Variants in ZFHX3 observed in about 807,000 individuals in gnomAD.
ZFHX3 encodes the protein zinc finger homeobox 3.
A neutral mutation model predicts 279.1 loss-of-function variants in ZFHX3; 42 were observed. That is an observed-to-expected ratio of 0.15 (90% CI 0.12 to 0.19). The LOEUF (loss-of-function observed/expected upper bound fraction) is 0.19. Ranked by LOEUF, ZFHX3 falls within the 10% of genes least tolerant of loss-of-function variation. ZFHX3 has a pLI of 1.00. For missense variants in ZFHX3, 4,981 were observed against 4,754.0 expected, an observed-to-expected ratio of 1.05 and a Z score of -1.40; for synonymous variants, 2,293 against 1,957.8, an observed-to-expected ratio of 1.17 and a Z score of -4.52.
At chr16:73,476,335 A>G (rs2018765111) in intron 2 of ZFHX3, among the ~76,000 whole-genome samples, 1 of 152,196 alleles carries the variant, frequency 6.6e-6, no homozygotes, top group African/African-American at 2.4e-5. Flanking sequence ...ACCACAATTT[A>G]CAGATTTATT....
chr16:72,924,008 G>GT (rs1467463630), intron 3 of ZFHX3, among the ~76,000 whole-genome samples: 1 of 152,184 alleles, frequency 6.6e-6, no homozygotes, highest in Non-Finnish European at 1.5e-5. Context: ...GCCGTCGGCT[G>GT]TAACGGGCTA....
intron 5 of ZFHX3, among the ~76,000 whole-genome samples, chr16:73,256,350 C>T (rs2013662179): frequency 6.6e-6 from 1 of 152,190 alleles, no homozygotes; most frequent in African/African-American, 2.4e-5. Context: ...TTTGTAGTTT[C>T]TGCCAGTTTC....
chr16:72,787,422 C>G lies in ZFHX3; in HGVS notation c.10854G>C (p.Pro3618=), dbSNP rs369621660. Residue 3618 remains proline, a synonymous_variant, in exon 10 of 10, where the codon CCG becomes CCC. Transcript: ENST00000268489. ...CTGCCGAAGCCCGGGAGACCACTTG[C>G]GGCCAAGACTTCCTGGAGGCGTGGG... The part of the protein sequence containing the change: ...ASPHASRKSW[P]QVVSRASAAK... 198 of 1,580,650 alleles carry G rather than the reference C, an allele frequency of 1.3e-4. No homozygotes were observed. The highest frequency in any genetic ancestry group is 6.8e-4 in the Middle Eastern group (4 of 5,920).
chr16:73,478,894 T>C (rs527562033), intron 2 of ZFHX3, among the ~76,000 whole-genome samples: 1 of 152,040 alleles, frequency 6.6e-6, no homozygotes, highest in East Asian at 1.9e-4. Context: ...CAACTAAAAA[T>C]ACAAAAAATT....
chr16:73,668,826 T>C (rs2052872387), intron 2 of ZFHX3, among the ~76,000 whole-genome samples: 1 of 152,138 alleles, frequency 6.6e-6, no homozygotes. Flanking sequence ...TCATCATCAC[T>C]GGTCGTTAGA....
At chr16:73,182,412 G>A (rs989213706) in intron 5 of ZFHX3, among the ~76,000 whole-genome samples, 3 of 152,174 alleles carry the variant, frequency 2.0e-5, no homozygotes, top group South Asian at 4.2e-4. Flanking sequence ...AGCCAAGATC[G>A]TGCCACTGCA....
At chr16:73,175,861 G>T (rs1260199427) in intron 5 of ZFHX3, among the ~76,000 whole-genome samples, 2 of 152,068 alleles carry the variant, frequency 1.3e-5, no homozygotes, top group Non-Finnish European at 2.9e-5. Flanking sequence ...TTCCTTCAAA[G>T]CACTTTTTCC....
Position 72,879,822 on chromosome 16 carries a change from A to T in ZFHX3, c.3448+9909T>A, listed in dbSNP as rs186282524. On this transcript the variant is annotated intron_variant, in intron 4 of 9. Transcript: ENST00000268489. ...AAAGGCAGCTTTTCTCGATGCTAAGACCATCAAATTTCACAGGCACAAGAA... is the reference window on the plus strand; with the variant it reads ...AAAGGCAGCTTTTCTCGATGCTAAGTCCATCAAATTTCACAGGCACAAGAA... Among the ~76,000 whole-genome samples, 6 of 152,254 alleles carry T rather than the reference A, an allele frequency of 3.9e-5. No homozygotes were observed. The East Asian group carries it at 7.7e-4, about 20-fold the overall frequency.
At chr16:73,483,245 T>G in intron 2 of ZFHX3, 2 of 366,858 alleles carry the variant, frequency 5.5e-6, no homozygotes, top group Admixed American at 3.6e-5. Context: ...GGCCCAGAGG[T>G]CCATCGGGCT....
intron 1 of ZFHX3, among the ~76,000 whole-genome samples, chr16:73,822,280 G>A (rs954566565): frequency 6.6e-6 from 1 of 152,114 alleles, no homozygotes; most frequent in Non-Finnish European, 1.5e-5. Flanking sequence ...AATCATCCCA[G>A]GCTGAAGCTT....
chr16:73,879,127 C>G (rs769730822), intron 1 of ZFHX3, among the ~76,000 whole-genome samples: 1 of 151,678 alleles, frequency 6.6e-6, no homozygotes, highest in African/African-American at 2.4e-5. Context: ...TAATCACCAG[C>G]AGCGAGCGAC....
chr16:73,316,448 G>A (rs1003653524), intron 4 of ZFHX3, among the ~76,000 whole-genome samples: 1 of 151,648 alleles, frequency 6.6e-6, no homozygotes, highest in East Asian at 1.9e-4. Flanking sequence ...GGCCTTCCCC[G>A]TTGCTCTCAA....
chr16:73,134,331 CTTTTTTTT>C (rs58052486), intron 6 of ZFHX3, among the ~76,000 whole-genome samples: 13 of 50,316 alleles, frequency 2.6e-4, no homozygotes, highest in East Asian at 2.5e-3. Context: ...CTCCCCACCT[CTTTTTTTT>C]TTTTTTTTTT....
intron 1 of ZFHX3, among the ~76,000 whole-genome samples, chr16:73,795,371 A>C (rs427576): frequency 0.5 from 75,211 of 151,912 alleles, 18,701 homozygotes; most frequent in South Asian, 0.62. Context: ...AGCTGCTATC[A>C]CCATGTTCAG....
chr16:73,671,129 T>A (rs769787801), intron 2 of ZFHX3, among the ~76,000 whole-genome samples: 1 of 152,252 alleles, frequency 6.6e-6, no homozygotes, highest in African/African-American at 2.4e-5. Flanking sequence ...GATCCACTTA[T>A]GAATCATAAA....
intron 3 of ZFHX3, among the ~76,000 whole-genome samples, chr16:73,321,198 C>T (rs926229005): frequency 6.6e-6 from 1 of 152,196 alleles, no homozygotes; most frequent in Admixed American, 6.5e-5. Flanking sequence ...ACATTGCTCT[C>T]TAAAATTTTC....
At chr16:72,890,599 C>T (rs1272538767) in intron 3 of ZFHX3, among the ~76,000 whole-genome samples, 1 of 152,150 alleles carries the variant, frequency 6.6e-6, no homozygotes, top group Non-Finnish European at 1.5e-5. Flanking sequence ...CAAATGGCCC[C>T]AGCCATGTGG....
chr16:73,131,553 A>T (rs994335650), intron 6 of ZFHX3, among the ~76,000 whole-genome samples: 2 of 152,218 alleles, frequency 1.3e-5, no homozygotes, highest in Admixed American at 1.3e-4. Context: ...GAGAGACTTT[A>T]GGACCCAGAG....
intron 4 of ZFHX3, among the ~76,000 whole-genome samples, chr16:72,864,118 G>GA (rs566874099): frequency 1.5e-4 from 22 of 148,282 alleles, no homozygotes; most frequent in South Asian, 4.3e-4. Flanking sequence ...ACTCCATCTC[G>GA]AAAAAAAAAA....
Sources: allele counts gnomAD v4.1 joint callset (sites outside exome capture counted in the v4.1 genomes callset), GRCh38; gene constraint gnomAD v4.1.1; transcripts MANE v1.5; gene names NCBI Gene and HGNC (gene_info 2026-07-23, HGNC 2026-07-21).